The following ALMS1 variants were observed in gnomAD, a reference collection of about 807,000 sequenced individuals.
ALMS1 encodes the protein centrosome-associated protein ALMS1.
A neutral mutation model predicts 352.2 loss-of-function variants in ALMS1; 271 were observed. The observed-to-expected ratio is 0.77, with a 90% confidence interval of 0.70 to 0.85. The LOEUF (loss-of-function observed/expected upper bound fraction) is 0.85, where lower values mean the gene tolerates loss of function less well. Among genes scored for constraint, ALMS1 ranks in the 40% least tolerant of loss-of-function variants. The pLI, the probability that ALMS1 is intolerant of heterozygous loss-of-function variation, is 0.00. For synonymous variants in ALMS1, 1,865 were observed against 1,761.2 expected, an observed-to-expected ratio of 1.06 and a Z score of -1.48; for missense variants, 5,445 against 4,870.7, an observed-to-expected ratio of 1.12 and a Z score of -3.51.
intron 9 of ALMS1, among the ~76,000 whole-genome samples, chr2:73,466,499 G>T (rs28574733): frequency 1.8e-5 from 2 of 112,956 alleles, no homozygotes; most frequent in African/African-American, 3.4e-5. Flanking sequence ...TGGGGGGAGG[G>T]GGGAGGGGGG....
rs765434554 is a variant in ALMS1 at position 73,448,593 on chromosome 2, C to T, written c.2066C>T (p.Thr689Ile). The T allele has an allele frequency of 1.2e-6, 2 of 1,614,026 alleles. No individual in the cohort carries two copies. The highest frequency in any genetic ancestry group is 1.1e-5 in the South Asian group (1 of 91,084). ...YRQTLPDGHL[T>I]DQALKVSAVS... Reference sequence around the variant, plus strand: ...CAGACCTTGCCAGATGGTCATCTAACTGATCAGGCTCTGAAAGTCTCAGCT... The same window carrying T: ...CAGACCTTGCCAGATGGTCATCTAATTGATCAGGCTCTGAAAGTCTCAGCT... Residue 689 changes from threonine (T) to isoleucine (I), a missense_variant, in exon 8 of 23, where the codon ACT (threonine) becomes ATT (isoleucine). Physicochemically the swap from Thr to Ile is moderately conservative, Grantham distance 89 (BLOSUM62 -1). Coordinates refer to ENST00000613296, the MANE Select transcript of ALMS1 (RefSeq NM_001378454.1).
chr2:73,455,364 C>T (rs952212289), intron 9 of ALMS1, 69 bp downstream of exon 9: 186 of 1,591,516 alleles, frequency 1.2e-4, no homozygotes, highest in Non-Finnish European at 1.5e-4. Context: ...GGATCTCTTA[C>T]TTGGGCATCA....
chr2:73,488,901 T>C (rs893196483), intron 9 of ALMS1, among the ~76,000 whole-genome samples: 4 of 152,142 alleles, frequency 2.6e-5, no homozygotes, highest in African/African-American at 4.8e-5. Flanking sequence ...TTCCCCCCAT[T>C]GTTAGGGGTA....
rs1420141479 is a variant in ALMS1 at position 73,450,239 on chromosome 2, T to G, written c.3712T>G (p.Ser1238Ala). ...TGGGACACCAACTCCAACCTCTGCT[T>G]CTTACTCACACACAGAGAAGCCTGG... ...KTGTPTPTSA[S>A]YSHTEKPGIF... The change falls in exon 8 of 23, where the codon TCT (serine) becomes GCT (alanine). Residue 1238 changes from serine to alanine, a missense_variant. Transcript: ENST00000613296. 1.2e-6 allele frequency: 2 copies of G among 1,614,032 alleles called. No individual in the cohort carries two copies. Among genetic ancestry groups the G allele is most frequent in the Admixed American group, 1.7e-5 (1 of 60,008 alleles).
Position 73,573,405 on chromosome 2 carries a change from C to A in ALMS1, c.11528C>A (p.Thr3843Asn), listed in dbSNP as rs760345450. The A allele has an allele frequency of 6.2e-7, 1 of 1,614,006 alleles. No homozygotes were observed. The highest frequency in any genetic ancestry group is 2.2e-5 in the East Asian group (1 of 44,864). Residue 3843 changes from threonine to asparagine, a missense_variant, in exon 16 of 23, where the codon ACC becomes AAC. Transcript: ENST00000613296. The stretch of plus-strand genomic sequence containing the variant: ...CATCCCCTAGTGACTTCTGAGCACA[C>A]CAGAAGGAGACACATCCAGGTACAT... ...TGHPLVTSEHTRRRHIQVANH... is the reference protein window; with the variant it reads ...TGHPLVTSEHNRRRHIQVANH...
At chr2:73,445,661 G>T (rs549309243) in intron 7 of ALMS1, among the ~76,000 whole-genome samples, 8 of 152,120 alleles carry the variant, frequency 5.3e-5, no homozygotes, top group Admixed American at 5.2e-4. Context: ...AGCCTTCTGT[G>T]TTACTAAGCA....
At chr2:73,477,662 T>G (rs1672609855) in intron 9 of ALMS1, among the ~76,000 whole-genome samples, 1 of 152,144 alleles carries the variant, frequency 6.6e-6, no homozygotes, top group South Asian at 2.1e-4. Flanking sequence ...TCATTCTATG[T>G]TTTTTAGTAT....
In ALMS1 at chr2:73,406,757, C is replaced by T. The variant is rs571790207; in HGVS notation, c.325-1865C>T. On this transcript the variant is annotated intron_variant, in intron 1 of 22. Coordinates refer to ENST00000613296, the MANE Select transcript of ALMS1 (RefSeq NM_001378454.1). ...TCTCCTGTCTTAGTCTCCCAAGTAGCTGGGACTACAGGCACAGGCCACCAT... is the reference window on the plus strand; with the variant it reads ...TCTCCTGTCTTAGTCTCCCAAGTAGTTGGGACTACAGGCACAGGCCACCAT... Among the ~76,000 whole-genome samples the T allele has an allele frequency of 1.5e-4, 23 of 152,270 alleles. No individual in the cohort carries two copies. The South Asian group carries it at 4.8e-3, about 32-fold the overall frequency.
In ALMS1 at chr2:73,427,272, CT is replaced by C. The variant is rs543097284; in HGVS notation, c.1338+721del. 1.5e-3 allele frequency among the ~76,000 whole-genome samples: 227 copies of C among 152,266 alleles called. 1 individual carries two copies. Among genetic ancestry groups the C allele is most frequent in the African/African-American group, 5.4e-3 (225 of 41,562 alleles). On this transcript the variant is annotated intron_variant, in intron 6 of 22. Transcript: ENST00000613296. Reference sequence around the variant, plus strand: ...TTGAAAGACTTGACTTCAGAGGTGTCTTGAAAATTGTAAGACCCATGTTTGA... The same window carrying C: ...TTGAAAGACTTGACTTCAGAGGTGTCTGAAAATTGTAAGACCCATGTTTGA...
chr2:73,455,847 T>G (rs1672049378), intron 9 of ALMS1, among the ~76,000 whole-genome samples: 1 of 152,234 alleles, frequency 6.6e-6, no homozygotes, highest in African/African-American at 2.4e-5. Context: ...TATCAATTTT[T>G]TTTTTAAGAA....
intron 1 of ALMS1, 59 bp downstream of exon 1, chr2:73,386,251 C>A (rs890744248): frequency 1.4e-6 from 2 of 1,422,210 alleles, no homozygotes; most frequent in Non-Finnish European, 9.2e-7. Flanking sequence ...AGGCTGGGCC[C>A]CGAGCGCTCC....
At chr2:73,579,135 C>T (rs558271753) in intron 16 of ALMS1, among the ~76,000 whole-genome samples, 3 of 142,892 alleles carry the variant, frequency 2.1e-5, no homozygotes, top group African/African-American at 8.3e-5. Flanking sequence ...TCTAAGCTCA[C>T]TGCAACCTCC....
intron 11 of ALMS1, among the ~76,000 whole-genome samples, chr2:73,531,481 C>T (rs2103985500): frequency 6.6e-6 from 1 of 152,316 alleles, no homozygotes; most frequent in South Asian, 2.1e-4. Context: ...ATATCACTGT[C>T]AGCATTTTTG....
intron 1 of ALMS1, among the ~76,000 whole-genome samples, chr2:73,405,231 G>T (rs1371423946): frequency 1.3e-5 from 2 of 151,960 alleles, no homozygotes; most frequent in East Asian, 3.9e-4. Flanking sequence ...TTTCTTTTGT[G>T]GGAGGTTTTG....
At chr2:73,529,024 A>G (rs369839032) in intron 11 of ALMS1, among the ~76,000 whole-genome samples, 8 of 133,596 alleles carry the variant, frequency 6.0e-5, no homozygotes, top group African/African-American at 1.9e-4. Context: ...AATTTCTTTG[A>G]GTTTCCTCAA....
At chr2:73,468,546 C>T (rs1024332237) in intron 9 of ALMS1, among the ~76,000 whole-genome samples, 1 of 152,040 alleles carries the variant, frequency 6.6e-6, no homozygotes, top group Non-Finnish European at 1.5e-5. Flanking sequence ...ACTTCTCATT[C>T]TGTCTTCCCA....
chr2:73,572,617 A>C lies in ALMS1; in HGVS notation c.10740A>C (p.Pro3580=). Residue 3580 remains proline (P), a synonymous_variant, in exon 16 of 23, where the codon CCA becomes CCC. Coordinates refer to ENST00000613296, the MANE Select transcript of ALMS1 (RefSeq NM_001378454.1). ...YPKHNGQISD[P]QRDQKVTPEQ... ...AACATAATGGACAAATTAGTGATCC[A>C]CAAAGGGATCAGAAGGTCACCCCAG... 1 of 1,614,014 alleles carries C rather than the reference A, an allele frequency of 6.2e-7. No homozygotes were observed. The highest frequency in any genetic ancestry group is 8.5e-7 in the Non-Finnish European group (1 of 1,179,986).
chr2:73,409,086 A>G (rs1671027894), intron 2 of ALMS1, among the ~76,000 whole-genome samples: 1 of 151,916 alleles, frequency 6.6e-6, no homozygotes. Flanking sequence ...TTTGTTGCCC[A>G]GGCTGGTCTT....
At chr2:73,590,485 AATTTT>A (rs1227691422) in intron 16 of ALMS1, among the ~76,000 whole-genome samples, 6 of 152,044 alleles carry the variant, frequency 3.9e-5, no homozygotes, top group Admixed American at 2.0e-4. Context: ...TAACAACTAT[AATTTT>A]TAATTTTGCT....
Sources: gnomAD v4.1 joint callset for allele counts (sites outside exome capture counted in the v4.1 genomes callset) on GRCh38, gnomAD v4.1.1 for gene constraint, MANE v1.5 for transcripts, NCBI Gene and HGNC (gene_info 2026-07-23, HGNC 2026-07-21) for gene names.